Variants in ANK3 observed in about 807,000 individuals in gnomAD.
The protein encoded by ANK3 is ankyrin 3.
Under a neutral mutation model 370.9 loss-of-function variants are expected in ANK3, and 57 were observed. That is an observed-to-expected ratio of 0.15 (90% CI 0.12 to 0.19). The LOEUF is 0.19. ANK3 is among the 10% of genes least tolerant of loss of function. The pLI is 1.00. For synonymous variants in ANK3, 1,929 were observed against 1,946.3 expected, an observed-to-expected ratio of 0.99 and a Z score of 0.23; for missense variants, 4,439 against 5,302.1, an observed-to-expected ratio of 0.84 and a Z score of 5.06.
chr10:60,504,793 G>A (rs2133150618), intron 2 of ANK3, among the ~76,000 whole-genome samples: 1 of 152,164 alleles, frequency 6.6e-6, no homozygotes, highest in East Asian at 1.9e-4. Flanking sequence ...TCAATGCCAA[G>A]AAACAGAGAG....
At chr10:60,653,417 T>TC (rs960556259) in intron 1 of ANK3, among the ~76,000 whole-genome samples, 1 of 152,174 alleles carries the variant, frequency 6.6e-6, no homozygotes, top group African/African-American at 2.4e-5. Flanking sequence ...AGACTTTTAT[T>TC]CCCCCATTAA....
chr10:60,390,728 GAA>G (rs1491283066), upstream of ANK3, among the ~76,000 whole-genome samples: 20 of 72,946 alleles, frequency 2.7e-4, no homozygotes, highest in South Asian at 4.3e-3. Flanking sequence ...GTAAAAAAAA[GAA>G]CACACACACA....
chr10:60,366,209 G>T (rs985621957), intron 1 of ANK3, among the ~76,000 whole-genome samples: 21 of 151,990 alleles, frequency 1.4e-4, no homozygotes, highest in African/African-American at 4.6e-4. Context: ...TTGGTGGCAC[G>T]CACTCCCAAG....
chr10:60,295,613 G>A (rs1049466088), intron 1 of ANK3, among the ~76,000 whole-genome samples: 2 of 152,128 alleles, frequency 1.3e-5, no homozygotes, highest in Non-Finnish European at 2.9e-5. Context: ...CACTCACATT[G>A]TGATCTGTCT....
chr10:60,720,282 G>T (rs1458162264), intron 1 of ANK3, among the ~76,000 whole-genome samples: 1 of 152,134 alleles, frequency 6.6e-6, no homozygotes, highest in African/African-American at 2.4e-5. Flanking sequence ...TTCCATGAAG[G>T]ATCACATTTA....
intron 2 of ANK3, among the ~76,000 whole-genome samples, chr10:60,406,479 C>T (rs955075553): frequency 1.3e-5 from 2 of 152,178 alleles, no homozygotes; most frequent in Non-Finnish European, 2.9e-5. Flanking sequence ...AAAGGGCAAG[C>T]GATCTAGATC....
chr10:60,456,469 C>T, intron 2 of ANK3, among the ~76,000 whole-genome samples: 1 of 152,150 alleles, frequency 6.6e-6, no homozygotes, highest in East Asian at 1.9e-4. Flanking sequence ...CTCCCTCCTA[C>T]CCTGATCTCA....
intron 27 of ANK3, among the ~76,000 whole-genome samples, chr10:60,106,543 T>G (rs2092198287): frequency 6.6e-6 from 1 of 152,178 alleles, no homozygotes; most frequent in Admixed American, 6.5e-5. Flanking sequence ...TAACGACTCC[T>G]CCAACAGGCA....
At chr10:60,646,154 A>G (rs2078706738) in intron 1 of ANK3, among the ~76,000 whole-genome samples, 1 of 151,870 alleles carries the variant, frequency 6.6e-6, no homozygotes, top group South Asian at 2.1e-4. Context: ...CTTTTGTGGA[A>G]ATGAAAAAAA....
chr10:60,200,776 T>C (rs745820264), intron 12 of ANK3, among the ~76,000 whole-genome samples: 3 of 152,198 alleles, frequency 2.0e-5, no homozygotes, highest in Non-Finnish European at 4.4e-5. Flanking sequence ...AAACACTACA[T>C]GGGCAACCTA....
intron 23 of ANK3, among the ~76,000 whole-genome samples, chr10:60,142,162 C>T (rs2094597258): frequency 6.6e-6 from 1 of 152,174 alleles, no homozygotes; most frequent in Non-Finnish European, 1.5e-5. Flanking sequence ...TCCTTCTTGG[C>T]TATTCTTCCA....
chr10:60,390,090 G>A (rs904006344), upstream of ANK3, among the ~76,000 whole-genome samples: 1 of 152,162 alleles, frequency 6.6e-6, no homozygotes, highest in Non-Finnish European at 1.5e-5. Context: ...TCCTACTTTA[G>A]TTCAACTGCT....
intron 9 of ANK3, 27 bp downstream of exon 9, chr10:60,213,385 A>G: frequency 2.0e-6 from 3 of 1,518,424 alleles, no homozygotes; most frequent in Non-Finnish European, 2.7e-6. Context: ...ATACAGTCCA[A>G]TGTCCAGAAA....
intron 1 of ANK3, among the ~76,000 whole-genome samples, chr10:60,673,454 T>G (rs144806783): frequency 0.041 from 6,183 of 152,080 alleles, 159 homozygotes; most frequent in Middle Eastern, 0.072. Flanking sequence ...AGGTTCAAAC[T>G]ATTCTCCTGC....
chr10:60,484,668 T>G (rs986249797), intron 2 of ANK3, among the ~76,000 whole-genome samples: 1 of 152,190 alleles, frequency 6.6e-6, no homozygotes, highest in African/African-American at 2.4e-5. Flanking sequence ...CTCACTTGTT[T>G]TCTCCTGATG....
At chr10:60,650,146 G>T (rs1262674474) in intron 1 of ANK3, among the ~76,000 whole-genome samples, 4 of 152,178 alleles carry the variant, frequency 2.6e-5, no homozygotes, top group Non-Finnish European at 5.9e-5. Flanking sequence ...CCTTCTGACT[G>T]CTAGATAATT....
Position 60,072,278 on chromosome 10 carries a change from T to G in ANK3, c.8603A>C (p.Glu2868Ala). 6.2e-7 allele frequency: 1 copy of G among 1,614,166 alleles called. No homozygotes were observed. ...ATGAACAAGTACATGCGAAAGTTTT[T>G]CTTTCTGAGACTTATTGTTAGTGGC... Reference protein sequence around the residue: ...SGATNNKSQKEKLSHVLVHDV... With the variant: ...SGATNNKSQKAKLSHVLVHDV... The change falls in exon 37 of 44, where the codon GAA becomes GCA. Residue 2868 changes from glutamate (E) to alanine (A), a missense_variant. Physicochemically the swap from Glu to Ala is moderately radical, Grantham distance 107. This residue lies in a region of ANK3 where 1,601 missense variants were observed against 1,731.7 expected (regional missense o/e 0.92). Coordinates refer to ENST00000280772, the MANE Select transcript of ANK3 (RefSeq NM_020987.5).
intron 2 of ANK3, among the ~76,000 whole-genome samples, chr10:60,544,532 C>T (rs1057258370): frequency 5.9e-5 from 9 of 152,072 alleles, no homozygotes; most frequent in Non-Finnish European, 1.0e-4. Flanking sequence ...GACAGGTTAA[C>T]AAATTCTTCC....
chr10:60,147,719 C>T (rs556994749), intron 23 of ANK3, among the ~76,000 whole-genome samples: 8 of 152,232 alleles, frequency 5.3e-5, no homozygotes, highest in Admixed American at 1.3e-4. Context: ...TCTCTTCCTC[C>T]TGCACCGGCC....
Sources: gnomAD v4.1 joint callset for allele counts (sites outside exome capture counted in the v4.1 genomes callset) on GRCh38, gnomAD v4.1.1 for gene constraint, gnomAD v4.1.1 regional missense constraint, MANE v1.5 for transcripts, NCBI Gene and HGNC (gene_info 2026-07-23, HGNC 2026-07-21) for gene names.